Variants in RALGPS1 observed in about 807,000 individuals in gnomAD.
RALGPS1 encodes Ral GEF with PH domain and SH3 binding motif 1, also known as ras-specific guanine nucleotide-releasing factor RalGPS1.
RALGPS1 carries 19 observed loss-of-function variants against 78.8 expected under a neutral mutation model. The observed-to-expected ratio is 0.24, with a 90% CI of 0.17 to 0.35. The LOEUF (loss-of-function observed/expected upper bound fraction) is 0.35, where lower values mean the gene tolerates loss of function less well. RALGPS1 is among the 10% of genes least tolerant of loss of function. The probability of loss-of-function intolerance (pLI) is 1.00; values close to 1 mark genes in which losing one functional copy is unlikely to be tolerated. For synonymous variants in RALGPS1, 228 were observed against 256.3 expected (o/e 0.89, Z 1.06); for missense variants, 454 against 688.3 (o/e 0.66, Z 3.81).
rs777768569 is a variant in RALGPS1, at chr9:126,945,214, T to G, written c.-65-17011T>G. Among the ~76,000 whole-genome samples the G allele has an allele frequency of 7.2e-5, 11 of 152,286 alleles. No individual in the cohort carries two copies. The South Asian group carries it at 1.0e-3, about 14-fold the overall frequency. On this transcript the variant is annotated intron_variant, in intron 1 of 18. Transcript: ENST00000259351. ...TGTCCTCTCTTTCTCTTGCTTTTTTTTTGAGATGGAGTCTCACTCTGTCAC... is the reference window on the plus strand; with the variant it reads ...TGTCCTCTCTTTCTCTTGCTTTTTTGTTGAGATGGAGTCTCACTCTGTCAC...
intron 1 of RALGPS1, among the ~76,000 whole-genome samples, chr9:126,960,897 C>T (rs2038846094): frequency 6.6e-6 from 1 of 152,158 alleles, no homozygotes; most frequent in Admixed American, 6.5e-5. Flanking sequence ...ACTTCTGCCT[C>T]CCTCCACTTC....
In RALGPS1 at chr9:126,923,422, G is replaced by A. The variant is rs534456520; in HGVS notation, c.-66+8447G>A. The stretch of plus-strand genomic sequence containing the variant: ...TTCTGACACACTCATTGTAGAAGTC[G>A]CAGGTGAGATAAGGTGACAGGGCTT... On this transcript the variant is annotated intron_variant, in intron 1 of 18. Transcript: ENST00000259351. 7.9e-5 allele frequency among the ~76,000 whole-genome samples: 12 copies of A among 152,242 alleles called. No individual in the cohort carries two copies. In the South Asian group the frequency reaches 8.3e-4, roughly 11 times the overall value.
At chr9:126,926,210 G>A (rs2035267237) in intron 1 of RALGPS1, among the ~76,000 whole-genome samples, 1 of 152,200 alleles carries the variant, frequency 6.6e-6, no homozygotes. Context: ...GACCTCATTA[G>A]TGGTTTTCAG....
intron 7 of RALGPS1, among the ~76,000 whole-genome samples, chr9:127,054,988 A>T (rs533600129): frequency 7.5e-6 from 1 of 133,128 alleles, no homozygotes; most frequent in South Asian, 2.7e-4. Flanking sequence ...AAAGAGAGAG[A>T]GATTGATTGA....
At chr9:127,112,842 T>C (rs144953927) in intron 8 of RALGPS1, among the ~76,000 whole-genome samples, 1 of 152,274 alleles carries the variant, frequency 6.6e-6, no homozygotes, top group African/African-American at 2.4e-5. Context: ...CCTTGACTAA[T>C]GCTTGCACAG....
intron 8 of RALGPS1, among the ~76,000 whole-genome samples, chr9:127,139,479 G>C (rs937593434): frequency 6.6e-6 from 1 of 152,264 alleles, no homozygotes; most frequent in East Asian, 1.9e-4. Flanking sequence ...GTGGAAGCTT[G>C]TCAGGAGATG....
chr9:127,047,554 C>T (rs1027793905), intron 5 of RALGPS1, among the ~76,000 whole-genome samples: 2 of 151,998 alleles, frequency 1.3e-5, no homozygotes, highest in African/African-American at 2.4e-5. Context: ...CAAAAATTAG[C>T]CAGGTGTGGT....
chr9:127,118,712 G>A (rs1324355791), intron 8 of RALGPS1, among the ~76,000 whole-genome samples: 1 of 152,190 alleles, frequency 6.6e-6, no homozygotes, highest in Non-Finnish European at 1.5e-5. Flanking sequence ...ATTATTTACT[G>A]TCTGCCCAGT....
intron 2 of RALGPS1, among the ~76,000 whole-genome samples, chr9:126,964,639 A>G (rs1234415232): frequency 6.6e-6 from 1 of 152,140 alleles, no homozygotes; most frequent in Non-Finnish European, 1.5e-5. Context: ...CTTAACCACT[A>G]TGGTATACTG....
rs777479427 is a variant in RALGPS1, at chr9:127,212,116, G to A, written c.1248-15G>A. On this transcript the variant is annotated splice_polypyrimidine_tract_variant and intron_variant, in intron 14 of 18. Transcript: ENST00000259351. This position sits in a 1 kb window ranked among gnomAD's most constrained non-coding sequence, Gnocchi z 6.0. ...GCTCCTCCAGGGCGATGTCTGACTG[G>A]TAGTCTCTCCTCAGCCCCACCGGCC... 32 of 1,601,932 alleles carry A rather than the reference G, an allele frequency of 2.0e-5. No homozygotes were observed. In the Middle Eastern group the frequency reaches 1.0e-3, roughly 50 times the overall value.
chr9:127,217,312 T>C lies in RALGPS1; in HGVS notation c.1645-1428T>C, dbSNP rs1028741802. 4 of 1,054,968 alleles carry C rather than the reference T, an allele frequency of 3.8e-6. No homozygotes were observed. The South Asian group carries it at 1.8e-4, about 46-fold the overall frequency. 65.4% of individuals were successfully genotyped at this position (1,054,968 alleles called of 1,614,324 possible). ...AACCAAATATTCCCACTATGTGCTA[T>C]ATGTAATAATAAAAAGTTGACAACA... On this transcript the variant is annotated intron_variant, in intron 18 of 18. Coordinates refer to ENST00000259351, the MANE Select transcript of RALGPS1 (RefSeq NM_014636.3).
At chr9:126,935,481 A>G (rs181732355) in intron 1 of RALGPS1, among the ~76,000 whole-genome samples, 21 of 152,330 alleles carry the variant, frequency 1.4e-4, no homozygotes, top group African/African-American at 4.6e-4. Context: ...AAGCTGAAAT[A>G]TTAACAATAT....
At chr9:126,965,696 C>G in intron 2 of RALGPS1, 148 bp from the exon 3 acceptor site, 1 of 607,800 alleles carries the variant, frequency 1.6e-6, no homozygotes, top group Admixed American at 2.9e-5. Context: ...AACATGGTGC[C>G]TGGACTGGGG....
At chr9:127,135,715 C>T (rs1001138) in intron 8 of RALGPS1, among the ~76,000 whole-genome samples, 2 of 152,036 alleles carry the variant, frequency 1.3e-5, no homozygotes, top group African/African-American at 4.8e-5. Flanking sequence ...TCTGTGAAGG[C>T]GGTAGGGGAG....
At chr9:127,022,014 T>C (rs907246864) in intron 4 of RALGPS1, among the ~76,000 whole-genome samples, 1 of 152,050 alleles carries the variant, frequency 6.6e-6, no homozygotes, top group Non-Finnish European at 1.5e-5. Flanking sequence ...AGCTTGAGGA[T>C]TTGATGAAAC....
chr9:127,192,662 AAAAAG>A (rs530352725), intron 11 of RALGPS1, among the ~76,000 whole-genome samples: 44 of 152,306 alleles, frequency 2.9e-4, no homozygotes, highest in Middle Eastern at 3.4e-3. Context: ...TGTGTCAAAA[AAAAAG>A]AAAAGAAAAG....
chr9:127,005,153 T>A (rs1220911548), intron 4 of RALGPS1, among the ~76,000 whole-genome samples: 1 of 152,182 alleles, frequency 6.6e-6, no homozygotes, highest in Admixed American at 6.5e-5. Context: ...ATGGAAATAA[T>A]TGGCAGCAGT....
At chr9:127,133,562 C>G (rs999904578) in intron 8 of RALGPS1, among the ~76,000 whole-genome samples, 1 of 152,208 alleles carries the variant, frequency 6.6e-6, no homozygotes, top group Non-Finnish European at 1.5e-5. Flanking sequence ...CCCACCCTGC[C>G]ACCCACTCAC....
chr9:126,944,340 A>T (rs2037056581), intron 1 of RALGPS1, among the ~76,000 whole-genome samples: 1 of 152,220 alleles, frequency 6.6e-6, no homozygotes, highest in Admixed American at 6.5e-5. Flanking sequence ...CAGCCAGACC[A>T]GTAATGCCTC....
Sources: allele counts gnomAD v4.1 joint callset (sites outside exome capture counted in the v4.1 genomes callset), GRCh38; gene constraint gnomAD v4.1.1; non-coding constraint Gnocchi (gnomAD v3.1); transcripts MANE v1.5; gene names NCBI Gene and HGNC (gene_info 2026-07-23, HGNC 2026-07-21).